RXYLT1: variants seen among roughly 807,000 people sequenced by gnomAD.
RXYLT1 encodes ribitol-5-phosphate xylosyltransferase 1.
Under a neutral mutation model 43.5 loss-of-function variants are expected in RXYLT1, and 41 were observed. That is an observed-to-expected ratio of 0.94 (90% confidence interval 0.73 to 1.22). RXYLT1 has a LOEUF of 1.22. Among genes scored for constraint, RXYLT1 ranks in the 50% most tolerant of loss-of-function variants. The pLI is 0.00. For missense variants in RXYLT1, 514 were observed against 532.0 expected, an observed-to-expected ratio of 0.97 and a Z score of 0.33; for synonymous variants, 166 against 194.4, an observed-to-expected ratio of 0.85 and a Z score of 1.21.
chr12:63,796,307 A>C (rs1053314830), intron 3 of RXYLT1, among the ~76,000 whole-genome samples: 1 of 152,144 alleles, frequency 6.6e-6, no homozygotes, highest in Non-Finnish European at 1.5e-5. Flanking sequence ...AGTGTGTCAT[A>C]TTTGTTCCCG....
chr12:63,784,871 A>G lies in RXYLT1; in HGVS notation c.326-99A>G, dbSNP rs1782848771. On this transcript the variant is annotated intron_variant, in intron 2 of 5. Transcript: ENST00000261234. The stretch of plus-strand genomic sequence containing the variant: ...CAAAGGAGAGGCATTCTGGTTTTAT[A>G]GTCAAATGAGTAAAAGAACAGAACG... 5.0e-6 allele frequency: 5 copies of G among 994,330 alleles called. No homozygotes were observed. In the South Asian group the frequency reaches 6.5e-5, roughly 13 times the overall value. The allele number at this position is 994,330 out of a possible 1,614,324, so 61.6% of individuals were successfully genotyped here.
At chr12:63,793,727 A>G (rs1276147349) in intron 3 of RXYLT1, among the ~76,000 whole-genome samples, 2 of 152,230 alleles carry the variant, frequency 1.3e-5, no homozygotes, top group African/African-American at 4.8e-5. Context: ...CAAAAGGAAT[A>G]AAAACTTAGC....
At chr12:63,795,482 A>G (rs1163610228) in intron 3 of RXYLT1, 1 of 151,714 alleles carries the variant, frequency 6.6e-6, no homozygotes, top group Non-Finnish European at 1.5e-5. Context: ...AGTCCCAGCT[A>G]CTAGGGAGGA....
intron 3 of RXYLT1, chr12:63,795,578 A>C (rs1898013957): frequency 7.4e-6 from 1 of 135,600 alleles, no homozygotes. Context: ...ACCCTGTCTC[A>C]AAAAAAAAAA....
chr12:63,797,068 A>G (rs191326015), intron 3 of RXYLT1, among the ~76,000 whole-genome samples: 63 of 151,332 alleles, frequency 4.2e-4, no homozygotes, highest in Non-Finnish European at 5.0e-4. Flanking sequence ...GGTTCAAGCA[A>G]TTCTCCTGCC....
intron 3 of RXYLT1, among the ~76,000 whole-genome samples, chr12:63,788,767 G>T (rs1214672143): frequency 6.6e-6 from 1 of 152,192 alleles, no homozygotes; most frequent in African/African-American, 2.4e-5. Context: ...CATCATTCAT[G>T]TTGTTCACTG....
intron 2 of RXYLT1, 90 bp from the exon 3 acceptor site, chr12:63,784,880 A>C (rs1897765412): frequency 9.0e-7 from 1 of 1,110,624 alleles, no homozygotes; most frequent in African/African-American, 1.5e-5. Context: ...TAGTCAAATG[A>C]GTAAAAGAAC....
intron 4 of RXYLT1, chr12:63,804,317 T>C (rs1166051545): frequency 6.6e-6 from 1 of 152,194 alleles, no homozygotes; most frequent in African/African-American, 2.4e-5. Context: ...AGAAACCCTG[T>C]TATATACAAA....
intron 5 of RXYLT1, chr12:63,806,806 AC>A (rs1898303378): frequency 6.6e-6 from 1 of 152,054 alleles, no homozygotes; most frequent in African/African-American, 2.4e-5. Flanking sequence ...TCATGCACTT[AC>A]CCTTGGGTTT....
chr12:63,787,300 G>A (rs1897825481), intron 3 of RXYLT1, among the ~76,000 whole-genome samples: 1 of 152,184 alleles, frequency 6.6e-6, no homozygotes, highest in African/African-American at 2.4e-5. Context: ...ATCTGTTGAA[G>A]TTTTATCATG....
intron 3 of RXYLT1, among the ~76,000 whole-genome samples, chr12:63,798,988 C>G (rs1898095071): frequency 1.3e-5 from 2 of 152,064 alleles, no homozygotes; most frequent in Non-Finnish European, 2.9e-5. Flanking sequence ...AACTGTTAAG[C>G]ATTTCTTTTA....
intron 3 of RXYLT1, among the ~76,000 whole-genome samples, chr12:63,787,209 T>C (rs150648821): frequency 1.3e-5 from 2 of 152,332 alleles, no homozygotes; most frequent in East Asian, 3.9e-4. Context: ...TCACCAATGT[T>C]CACAACATTG....
intron 3 of RXYLT1, among the ~76,000 whole-genome samples, chr12:63,796,688 T>C (rs998033767): frequency 4.6e-5 from 7 of 152,164 alleles, no homozygotes; most frequent in Non-Finnish European, 1.0e-4. Context: ...ATATGATGAA[T>C]TATTTTGGAA....
chr12:63,781,872 G>A (rs1340484596), intron 2 of RXYLT1, among the ~76,000 whole-genome samples: 1 of 152,156 alleles, frequency 6.6e-6, no homozygotes, highest in Non-Finnish European at 1.5e-5. Context: ...GAAAGTACCA[G>A]ATGAGAGGAA....
Position 63,802,075 on chromosome 12 carries a change from G to T in RXYLT1, c.429-16G>T, listed in dbSNP as rs895372426. Reference sequence around the variant, plus strand: ...GCTTTGTTTGTCTCTTGTTTTTGTTGTGTTGTTTTTAACAGCTTCATCACT... The same window carrying T: ...GCTTTGTTTGTCTCTTGTTTTTGTTTTGTTGTTTTTAACAGCTTCATCACT... On this transcript the variant is annotated splice_polypyrimidine_tract_variant and intron_variant, in intron 3 of 5. Transcript: ENST00000261234. The T allele has an allele frequency of 6.4e-6, 10 of 1,556,154 alleles. 1 individual carries two copies. Among genetic ancestry groups the T allele is most frequent in the South Asian group, 2.5e-5 (2 of 81,376 alleles).
chr12:63,781,172 T>C lies in RXYLT1; in HGVS notation c.323T>C (p.Ile108Thr). The change falls in exon 2 of 6, where the codon ATT (isoleucine) becomes ACT (threonine). Residue 108 changes from isoleucine (I) to threonine (T), a missense_variant and splice_region_variant. Physicochemically the swap from Ile to Thr is moderately conservative, Grantham distance 89 (BLOSUM62 -1). Coordinates refer to ENST00000261234, the MANE Select transcript of RXYLT1 (RefSeq NM_014254.3). ...LSVQIWGKAA[I>T]GLYLWEHIFE... ...GTACAAATCTGGGGCAAAGCTGCCA[T>C]TGGTAAGTTAATACGTAGAAGGAAG... The C allele has an allele frequency of 6.5e-7, 1 of 1,549,354 alleles. No homozygotes were observed. The highest frequency in any genetic ancestry group is 8.7e-7 in the Non-Finnish European group (1 of 1,151,068).
chr12:63,808,053 C>T (rs1898347806), intron 5 of RXYLT1: 2 of 153,060 alleles, frequency 1.3e-5, no homozygotes, highest in Non-Finnish European at 2.9e-5. Flanking sequence ...CTCAGTTACC[C>T]TACCTCAGCC....
At chr12:63,790,684 A>G (rs1897902352) in intron 3 of RXYLT1, 1 of 152,178 alleles carries the variant, frequency 6.6e-6, no homozygotes, top group African/African-American at 2.4e-5. Flanking sequence ...CACCATGCCC[A>G]ACTAACTGAC....
In RXYLT1 at chr12:63,781,166, C is replaced by A; in HGVS notation, c.317C>A (p.Ala106Asp). The A allele has an allele frequency of 6.4e-7, 1 of 1,557,074 alleles. No homozygotes were observed. The highest frequency in any genetic ancestry group is 2.4e-5 in the East Asian group (1 of 41,690). The change falls in exon 2 of 6, where the codon GCT becomes GAT. Residue 106 changes from alanine (A) to aspartate (D), a missense_variant. Coordinates refer to ENST00000261234, the MANE Select transcript of RXYLT1 (RefSeq NM_014254.3). ...CTCAGTGTACAAATCTGGGGCAAAGCTGCCATTGGTAAGTTAATACGTAGA... is the reference window on the plus strand; with the variant it reads ...CTCAGTGTACAAATCTGGGGCAAAGATGCCATTGGTAAGTTAATACGTAGA... ...TDLSVQIWGKAAIGLYLWEHI... is the reference protein window; with the variant it reads ...TDLSVQIWGKDAIGLYLWEHI...
Sources: allele counts gnomAD v4.1 joint callset (sites outside exome capture counted in the v4.1 genomes callset), GRCh38; gene constraint gnomAD v4.1.1; transcripts MANE v1.5; gene names NCBI Gene and HGNC (gene_info 2026-07-23, HGNC 2026-07-21).